Variants in SUGP2 observed in about 807,000 individuals in gnomAD.
SUGP2 encodes the protein SURP and G-patch domain containing 2, also known as SURP and G-patch domain-containing protein 2.
A neutral mutation model predicts 90.5 loss-of-function variants in SUGP2; 24 were observed. That is an observed-to-expected ratio of 0.27 (90% CI 0.19 to 0.37). The LOEUF (loss-of-function observed/expected upper bound fraction) is 0.37, where lower values mean the gene tolerates loss of function less well. Among genes scored for constraint, SUGP2 ranks in the 10% least tolerant of loss-of-function variants. The pLI is 1.00. For synonymous variants in SUGP2, 473 were observed against 513.4 expected, an observed-to-expected ratio of 0.92 and a Z score of 1.06; for missense variants, 1,233 against 1,363.3, an observed-to-expected ratio of 0.90 and a Z score of 1.51.
chr19:19,033,427 C>A lies in SUGP2; in HGVS notation c.-12+10G>T, dbSNP rs917590212. ...GCCACCCACCGACGACGCCAGGGCC[C>A]GGGCCTCACCCCGAGACCACCGCGC... On this transcript the variant is annotated intron_variant, in intron 1 of 10. Coordinates refer to ENST00000452918, the MANE Select transcript of SUGP2 (RefSeq NM_001017392.5). 307 of 1,366,792 alleles carry A rather than the reference C, an allele frequency of 2.2e-4. No individual in the cohort carries two copies. The highest frequency in any genetic ancestry group is 2.7e-4 in the Non-Finnish European group (289 of 1,057,718). 84.7% of individuals were successfully genotyped at this position (1,366,792 alleles called of 1,614,324 possible).
At chr19:19,010,418 C>T (rs2058265572) in intron 4 of SUGP2, 76 bp from the exon 5 acceptor site, 3 of 1,550,694 alleles carry the variant, frequency 1.9e-6, no homozygotes, top group South Asian at 2.4e-5. Flanking sequence ...CAAACACAAA[C>T]CCTTTCTAAG....
chr19:18,998,081 T>C (rs1345643499), intron 8 of SUGP2, among the ~76,000 whole-genome samples: 2 of 152,154 alleles, frequency 1.3e-5, no homozygotes, highest in African/African-American at 4.8e-5. Context: ...CTAGTCCCAT[T>C]CAATTCTCAA....
chr19:18,994,811 G>C (rs1295543082), intron 9 of SUGP2: 2 of 529,738 alleles, frequency 3.8e-6, no homozygotes, highest in Non-Finnish European at 6.8e-6. Flanking sequence ...TCGGGACCCT[G>C]GCTGGCCCGG....
chr19:18,998,873 G>A (rs895923891), intron 8 of SUGP2: 1 of 152,352 alleles, frequency 6.6e-6, no homozygotes, highest in African/African-American at 2.4e-5. Context: ...TACACTGGGG[G>A]GCCCCTTGCC....
chr19:19,021,371 C>T (rs922020273), intron 3 of SUGP2, among the ~76,000 whole-genome samples: 3 of 152,048 alleles, frequency 2.0e-5, no homozygotes, highest in African/African-American at 4.8e-5. Context: ...TCAACTGCCA[C>T]GTTATTCCAA....
chr19:19,024,674 C>T lies in SUGP2; in HGVS notation c.1674G>A (p.Met558Ile). The T allele has an allele frequency of 6.2e-7, 1 of 1,614,192 alleles. No individual in the cohort carries two copies. The highest frequency in any genetic ancestry group is 1.6e-4 in the Middle Eastern group (1 of 6,062). Reference sequence around the variant, plus strand: ...GAATTTCAGGTTTCGTAGGAGGAATCATTTTCTCCTCCTCTCGCATCGGCT... The same window carrying T: ...GAATTTCAGGTTTCGTAGGAGGAATTATTTTCTCCTCCTCTCGCATCGGCT... ...EPEPMREEEKMIPPTKPEIQA... is the reference protein window; with the variant it reads ...EPEPMREEEKIIPPTKPEIQA... The change falls in exon 3 of 11, where the codon ATG becomes ATA. Residue 558 changes from methionine (M) to isoleucine (I), a missense_variant. Physicochemically the swap from Met to Ile is conservative, Grantham distance 10. This residue lies in a region of SUGP2 where 540 missense variants were observed against 542.6 expected (regional missense o/e 1.00). Coordinates refer to ENST00000452918, the MANE Select transcript of SUGP2 (RefSeq NM_001017392.5).
At chr19:19,030,127 A>T (rs2059095181) in intron 2 of SUGP2, among the ~76,000 whole-genome samples, 1 of 151,846 alleles carries the variant, frequency 6.6e-6, no homozygotes, top group South Asian at 2.1e-4. Context: ...CAGCCTGAAA[A>T]CATAGCAAGA....
chr19:19,018,172 C>T (rs1338762699), intron 4 of SUGP2, among the ~76,000 whole-genome samples: 1 of 151,996 alleles, frequency 6.6e-6, no homozygotes, highest in Admixed American at 6.6e-5. Flanking sequence ...TGGCCATTGC[C>T]TCTTTGCTGA....
At chr19:18,994,550 G>A in intron 9 of SUGP2, 64 bp from the exon 10 acceptor site, 1 of 1,593,360 alleles carries the variant, frequency 6.3e-7, no homozygotes, top group Non-Finnish European at 8.6e-7. Context: ...CCAGGAACTG[G>A]GCATGGGCAC....
At position 19,025,071 on chromosome 19, in the gene SUGP2, T is replaced by TCA; in HGVS notation, c.1275_1276dup (p.Asp426ValfsTer5). Reference sequence around the variant, plus strand: ...GTCTTGAAGTCTCATTATGTACTTGTCAAAAGGCTTTATGATTTCAAAAAA... The same window carrying TCA: ...GTCTTGAAGTCTCATTATGTACTTGTCACAAAAGGCTTTATGATTTCAAAAAA... On this transcript the variant is annotated frameshift_variant, in exon 3 of 11. Transcript: ENST00000452918. LOFTEE classifies it high-confidence loss of function. The TCA allele has an allele frequency of 6.2e-7, 1 of 1,614,218 alleles. No individual in the cohort carries two copies. Among genetic ancestry groups the TCA allele is most frequent in the Non-Finnish European group, 8.5e-7 (1 of 1,180,050 alleles).
At chr19:19,002,451 A>C (rs1427528594) in intron 7 of SUGP2, among the ~76,000 whole-genome samples, 1 of 151,248 alleles carries the variant, frequency 6.6e-6, no homozygotes, top group Non-Finnish European at 1.5e-5. Context: ...TCATATAGAG[A>C]ACCACATCAT....
rs889741663 is a variant in SUGP2, at chr19:18,992,103, T to A, written c.*1638A>T. 1 of 151,502 alleles carries A rather than the reference T, an allele frequency of 6.6e-6. No individual in the cohort carries two copies. Among genetic ancestry groups the A allele is most frequent in the African/African-American group, 2.4e-5 (1 of 41,106 alleles). The allele number at this position is 151,502 out of a possible 1,614,324, so 9.4% of individuals were successfully genotyped here. Reference sequence around the variant, plus strand: ...GTCTCGCTCTGTTGCCAGGCTGGAGTGCGGTGGCACAATCTCGGCTCACTG... The same window carrying A: ...GTCTCGCTCTGTTGCCAGGCTGGAGAGCGGTGGCACAATCTCGGCTCACTG... On this transcript the variant is annotated 3_prime_UTR_variant, in exon 11 of 11. Coordinates refer to ENST00000452918, the MANE Select transcript of SUGP2 (RefSeq NM_001017392.5).
At position 19,002,544 on chromosome 19, in the gene SUGP2, G is replaced by A. The variant is rs1380390417; in HGVS notation, c.2930-870C>T. On this transcript the variant is annotated intron_variant, in intron 7 of 10. Transcript: ENST00000452918. ...TTTTTTTTTTTTGAGACACAGTTTC[G>A]CTCTTGTTGCCCAGGCTGGAGTGCA... Among the ~76,000 whole-genome samples, 8 of 102,350 alleles carry A rather than the reference G, an allele frequency of 7.8e-5. No individual in the cohort carries two copies. The East Asian group carries it at 9.1e-4, about 12-fold the overall frequency. 67.1% of individuals were successfully genotyped at this position (102,350 alleles called of 152,430 possible).
chr19:19,019,449 C>T (rs1384366592), intron 3 of SUGP2, among the ~76,000 whole-genome samples: 1 of 152,158 alleles, frequency 6.6e-6, no homozygotes, highest in African/African-American at 2.4e-5. Flanking sequence ...GAGAAACAGT[C>T]ACAGCTTTCA....
chr19:19,017,501 G>A (rs926973335), intron 4 of SUGP2, among the ~76,000 whole-genome samples: 2 of 152,036 alleles, frequency 1.3e-5, no homozygotes, highest in Admixed American at 1.3e-4. Flanking sequence ...GCTGGGCGCG[G>A]TGGCTCACGC....
chr19:19,004,795 G>A (rs917297281), intron 6 of SUGP2, 149 bp from the exon 7 acceptor site: 20 of 642,364 alleles, frequency 3.1e-5, no homozygotes, highest in African/African-American at 2.2e-4. Context: ...TGGCTTGATG[G>A]TGCAGCCTCT....
chr19:18,996,607 C>T (rs147703772), intron 8 of SUGP2, among the ~76,000 whole-genome samples: 269 of 152,008 alleles, frequency 1.8e-3, no homozygotes, highest in African/African-American at 6.2e-3. Flanking sequence ...GGCTGGAGTG[C>T]AGTGATGCAA....
Position 19,008,245 on chromosome 19 carries a change from C to A in SUGP2, c.2450+72G>T, listed in dbSNP as rs551423098. ...CTTGAGCCCAGGAATTCAAATCCAGCCTAAGCAACATCCTTAGACTTTGTC... is the reference window on the plus strand; with the variant it reads ...CTTGAGCCCAGGAATTCAAATCCAGACTAAGCAACATCCTTAGACTTTGTC... On this transcript the variant is annotated intron_variant, in intron 6 of 10. Transcript: ENST00000452918. 12 of 1,292,346 alleles carry A rather than the reference C, an allele frequency of 9.3e-6. No individual in the cohort carries two copies. The East Asian group carries it at 2.8e-4, about 30-fold the overall frequency. The allele number at this position is 1,292,346 out of a possible 1,614,324, so 80.1% of individuals were successfully genotyped here.
intron 8 of SUGP2, among the ~76,000 whole-genome samples, chr19:19,000,009 A>G (rs765463460): frequency 3.3e-5 from 5 of 152,072 alleles, no homozygotes; most frequent in Non-Finnish European, 7.4e-5. Flanking sequence ...CCCTGGTCCA[A>G]CTGTCTTAAG....
Sources: gnomAD v4.1 joint callset for allele counts (sites outside exome capture counted in the v4.1 genomes callset) on GRCh38, gnomAD v4.1.1 for gene constraint, gnomAD v4.1.1 regional missense constraint, MANE v1.5 for transcripts, NCBI Gene and HGNC (gene_info 2026-07-23, HGNC 2026-07-21) for gene names.